The following BRD7 variants were observed in gnomAD, a reference collection of about 807,000 sequenced individuals.
The protein encoded by BRD7 is bromodomain-containing protein 7.
In BRD7, 15 loss-of-function variants were observed where a neutral mutation model predicts 82.1. The observed-to-expected ratio is 0.18, with a 90% CI of 0.12 to 0.28. BRD7 has a LOEUF of 0.28. Ranked by LOEUF, BRD7 falls within the 10% of genes least tolerant of loss-of-function variation. The pLI is 1.00. For synonymous variants in BRD7, 232 were observed against 266.9 expected, an observed-to-expected ratio of 0.87 and a Z score of 1.27; for missense variants, 638 against 779.9, an observed-to-expected ratio of 0.82 and a Z score of 2.17.
At position 50,360,790 on chromosome 16, in the gene BRD7, A is replaced by G. The variant is rs151086903; in HGVS notation, c.259-5868T>C. 6.6e-5 allele frequency among the ~76,000 whole-genome samples: 10 copies of G among 152,362 alleles called. No homozygotes were observed. In the East Asian group the frequency reaches 1.5e-3, roughly 23 times the overall value. The stretch of plus-strand genomic sequence containing the variant: ...AGAAACAGATAAACAGCCTTCTATC[A>G]GAGGAGCAATGCTACTCATAGGCCC... On this transcript the variant is annotated intron_variant, in intron 2 of 16. Coordinates refer to ENST00000394688, the MANE Select transcript of BRD7 (RefSeq NM_013263.5).
intron 9 of BRD7, 60 bp from the exon 10 acceptor site, chr16:50,326,451 T>C (rs1294176151): frequency 3.2e-5 from 40 of 1,249,730 alleles, no homozygotes; most frequent in Non-Finnish European, 4.3e-5. Context: ...CACGGGGCCC[T>C]CTGCCGAGTG....
In BRD7 at chr16:50,352,636, C is replaced by A. The variant is rs2038574724; in HGVS notation, c.446+1789G>T. Among the ~76,000 whole-genome samples, 3 of 150,260 alleles carry A rather than the reference C, an allele frequency of 2.0e-5. No individual in the cohort carries two copies. In the South Asian group the frequency reaches 6.3e-4, roughly 31 times the overall value. On this transcript the variant is annotated intron_variant, in intron 4 of 16. Transcript: ENST00000394688. ...GAACTTGTTGTCCATAATGGCTATA[C>A]TAATTTACATTTCCACCAACAGTAT...
intron 7 of BRD7, 96 bp from the exon 8 acceptor site, chr16:50,333,793 A>G: frequency 9.2e-7 from 1 of 1,087,766 alleles, no homozygotes. Flanking sequence ...ACTAAAGTGG[A>G]GACATTTGTA....
intron 8 of BRD7, 104 bp from the exon 9 acceptor site, chr16:50,328,848 T>C: frequency 1.0e-6 from 1 of 973,308 alleles, no homozygotes; most frequent in Non-Finnish European, 1.5e-6. Context: ...GGATTGCAGA[T>C]TTTCCCAGAT....
At chr16:50,338,475 T>C (rs961501859) in intron 6 of BRD7, among the ~76,000 whole-genome samples, 24 of 152,210 alleles carry the variant, frequency 1.6e-4, no homozygotes, top group Non-Finnish European at 2.6e-4. Context: ...AAAACTGTAA[T>C]ACAGAAAAAT....
intron 12 of BRD7, 46 bp from the exon 13 acceptor site, chr16:50,322,084 C>CA (rs747699595): frequency 6.8e-7 from 1 of 1,466,054 alleles, no homozygotes; most frequent in African/African-American, 1.4e-5. Flanking sequence ...CACATGAAGG[C>CA]GAATATCAAG....
intron 8 of BRD7, among the ~76,000 whole-genome samples, chr16:50,330,742 G>A (rs2037530365): frequency 6.6e-6 from 1 of 151,716 alleles, no homozygotes; most frequent in South Asian, 2.1e-4. Flanking sequence ...AAAAAAAACA[G>A]AATTTCGCTC....
chr16:50,318,400 G>GCTATCTATCTAT lies in BRD7; in HGVS notation c.*799_*810dup, dbSNP rs59889907. ...AAACTTAATTTGTTCACTGAACAAG[G>GCTATCTATCTAT]CTATCTATCTATCTATCTCCATCCT... On this transcript the variant is annotated 3_prime_UTR_variant, in exon 17 of 17. Coordinates refer to ENST00000394688, the MANE Select transcript of BRD7 (RefSeq NM_013263.5). 6 of 151,478 alleles carry GCTATCTATCTAT rather than the reference G, an allele frequency of 4.0e-5. No homozygotes were observed. The highest frequency in any genetic ancestry group is 4.9e-5 in the African/African-American group (2 of 41,230). 9.4% of individuals were successfully genotyped at this position (151,478 alleles called of 1,614,324 possible). A position where few individuals can be genotyped will look rare whatever the true frequency, so the allele number is the denominator to read the frequency against.
In BRD7 at chr16:50,355,404, G is replaced by A. The variant is rs536487437; in HGVS notation, c.259-482C>T. Among the ~76,000 whole-genome samples, 8 of 152,290 alleles carry A rather than the reference G, an allele frequency of 5.3e-5. No homozygotes were observed. The South Asian group carries it at 1.2e-3, about 24-fold the overall frequency. On this transcript the variant is annotated intron_variant, in intron 2 of 16. Transcript: ENST00000394688. ...CATTAATTTACCTCGAAGAGTGAAC[G>A]ATTAAGAACACAATAGTTTTGAAAA...
chr16:50,333,927 T>G (rs993229794), intron 7 of BRD7, among the ~76,000 whole-genome samples: 6 of 152,252 alleles, frequency 3.9e-5, no homozygotes, highest in Non-Finnish European at 8.8e-5. Context: ...GTGTTACTTG[T>G]GTTAAACGTT....
At chr16:50,338,345 CG>C (rs1421147128) in intron 6 of BRD7, among the ~76,000 whole-genome samples, 2 of 152,090 alleles carry the variant, frequency 1.3e-5, no homozygotes, top group Non-Finnish European at 2.9e-5. Flanking sequence ...ATATTAGGAG[CG>C]CAAGAATAAT....
chr16:50,344,544 A>G (rs2038205358), intron 5 of BRD7, among the ~76,000 whole-genome samples: 1 of 152,242 alleles, frequency 6.6e-6, no homozygotes, highest in Non-Finnish European at 1.5e-5. Flanking sequence ...ATGGCTAACT[A>G]CATTAAATAG....
rs770769322 is a variant in BRD7, at chr16:50,326,400, TA to T, written c.1088-10del. On this transcript the variant is annotated splice_polypyrimidine_tract_variant and intron_variant, in intron 9 of 16. Transcript: ENST00000394688. ...AGGGCAGTAGCCTGGCTCTACAACA[TA>T]AAACAGAGCACAGTGAAGGAGGCCT... 3 of 1,556,336 alleles carry T rather than the reference TA, an allele frequency of 1.9e-6. No individual in the cohort carries two copies. In the South Asian group the frequency reaches 3.5e-5, roughly 18 times the overall value.
chr16:50,364,420 T>C (rs1283437000), intron 2 of BRD7, among the ~76,000 whole-genome samples: 8 of 152,150 alleles, frequency 5.3e-5, no homozygotes, highest in Non-Finnish European at 1.2e-4. Context: ...TTCCCTGGTC[T>C]AGCCTGGAAA....
chr16:50,321,804 A>G (rs1021337222), intron 13 of BRD7, among the ~76,000 whole-genome samples, 178 bp downstream of exon 13: 2 of 152,194 alleles, frequency 1.3e-5, no homozygotes, highest in African/African-American at 2.4e-5. Context: ...GAGAAACTGT[A>G]TAATTGTGCA....
At chr16:50,341,252 T>G (rs1413817428) in intron 5 of BRD7, among the ~76,000 whole-genome samples, 4 of 151,624 alleles carry the variant, frequency 2.6e-5, no homozygotes, top group African/African-American at 7.3e-5. Flanking sequence ...GTAATTTTAG[T>G]AGGTTCTTGG....
chr16:50,351,509 G>C (rs188707642), intron 4 of BRD7, among the ~76,000 whole-genome samples: 22 of 152,328 alleles, frequency 1.4e-4, no homozygotes, highest in Admixed American at 1.3e-3. Flanking sequence ...TCCTAGGTCA[G>C]TCATTTTAAT....
intron 4 of BRD7, 75 bp downstream of exon 4, chr16:50,354,350 G>T: frequency 8.0e-7 from 1 of 1,250,170 alleles, no homozygotes; most frequent in Non-Finnish European, 1.1e-6. Flanking sequence ...TTGGAGTTAG[G>T]CACAAATGTG....
rs1483866692 is a variant in BRD7, at chr16:50,365,255, A to G, written c.258+2835T>C. Among the ~76,000 whole-genome samples, 4 of 152,158 alleles carry G rather than the reference A, an allele frequency of 2.6e-5. No homozygotes were observed. The East Asian group carries it at 7.7e-4, about 29-fold the overall frequency. ...AGTTGGCTCCAGAAACACGGATAAA[A>G]CTGGCAAAATCCATCTCCTAGGAGA... On this transcript the variant is annotated intron_variant, in intron 2 of 16. Coordinates refer to ENST00000394688, the MANE Select transcript of BRD7 (RefSeq NM_013263.5).
Sources: allele counts gnomAD v4.1 joint callset (sites outside exome capture counted in the v4.1 genomes callset), GRCh38; gene constraint gnomAD v4.1.1; transcripts MANE v1.5; gene names NCBI Gene and HGNC (gene_info 2026-07-23, HGNC 2026-07-21).